Variants in NFIA observed in about 807,000 individuals in gnomAD.
NFIA encodes the protein nuclear factor I A.
A neutral mutation model predicts 62.8 loss-of-function variants in NFIA; 8 were observed. That is an observed-to-expected ratio of 0.13 (90% CI 0.07 to 0.23). The LOEUF (loss-of-function observed/expected upper bound fraction) is 0.23. NFIA is among the 10% of genes least tolerant of loss of function. NFIA has a pLI of 1.00. For missense variants in NFIA, 410 were observed against 642.1 expected (o/e 0.64, Z 3.91); for synonymous variants, 235 against 238.1 (o/e 0.99, Z 0.12).
chr1:61,212,936 A>T (rs550840725), intron 2 of NFIA, among the ~76,000 whole-genome samples: 1 of 152,322 alleles, frequency 6.6e-6, no homozygotes, highest in East Asian at 1.9e-4. Flanking sequence ...TTGCCTTCAC[A>T]CTGTGGCCTG....
intron 3 of NFIA, among the ~76,000 whole-genome samples, chr1:61,317,556 T>C (rs1660431434): frequency 6.6e-6 from 1 of 152,050 alleles, no homozygotes; most frequent in African/African-American, 2.4e-5. Flanking sequence ...TCACTTTTTG[T>C]AGAAAAATCA....
chr1:61,456,291 G>C lies in NFIA; in HGVS notation c.*971G>C, dbSNP rs1668296542. 6.6e-6 allele frequency: 1 copy of C among 151,730 alleles called. No individual in the cohort carries two copies. Among genetic ancestry groups the C allele is most frequent in the Admixed American group, 6.6e-5 (1 of 15,192 alleles). 9.4% of individuals were successfully genotyped at this position (151,730 alleles called of 1,614,324 possible). On this transcript the variant is annotated 3_prime_UTR_variant, in exon 11 of 11. Transcript: ENST00000403491. ...CTCTAAATTATTGGGGTAAAAAACA[G>C]CCTTGCAAGAAAAAGGGGAGCTATT...
At chr1:61,086,342 C>G (rs1196186171) in intron 1 of NFIA, among the ~76,000 whole-genome samples, 1 of 152,036 alleles carries the variant, frequency 6.6e-6, no homozygotes, top group Non-Finnish European at 1.5e-5. Context: ...TTGGCGTATA[C>G]CTTTGCAGAT....
At chr1:61,232,075 A>C (rs1654710146) in intron 2 of NFIA, among the ~76,000 whole-genome samples, 1 of 152,170 alleles carries the variant, frequency 6.6e-6, no homozygotes. Context: ...ATATGCAAAA[A>C]AGAAATGTAA....
intron 6 of NFIA, among the ~76,000 whole-genome samples, chr1:61,377,040 A>T (rs1353352050): frequency 6.6e-6 from 1 of 151,906 alleles, no homozygotes; most frequent in African/African-American, 2.4e-5. Flanking sequence ...AACATGGTGA[A>T]ACCCTGTATC....
At chr1:61,356,873 T>G (rs753167527) in intron 5 of NFIA, among the ~76,000 whole-genome samples, 2 of 152,218 alleles carry the variant, frequency 1.3e-5, no homozygotes, top group African/African-American at 4.8e-5. Context: ...AAATTGGCCC[T>G]CCACATTTTT....
upstream of NFIA, chr1:61,082,075 G>C (rs767144575): frequency 6.5e-7 from 1 of 1,537,046 alleles, no homozygotes; most frequent in South Asian, 1.2e-5. Context: ...GCGGGGGTGG[G>C]GGGATGGGGA....
chr1:61,272,741 T>A (rs1029390457), intron 2 of NFIA, among the ~76,000 whole-genome samples: 1 of 152,214 alleles, frequency 6.6e-6, no homozygotes, highest in African/African-American at 2.4e-5. Context: ...GAAATGTTCC[T>A]AACTCTTCAT....
At chr1:61,313,377 G>A (rs1024138942) in intron 3 of NFIA, among the ~76,000 whole-genome samples, 2 of 152,200 alleles carry the variant, frequency 1.3e-5, no homozygotes, top group Non-Finnish European at 2.9e-5. Context: ...AGAGGGTGAC[G>A]CAGGAGCAGA....
intron 2 of NFIA, among the ~76,000 whole-genome samples, chr1:61,251,817 CAA>C (rs1188989468): frequency 1.3e-5 from 2 of 152,016 alleles, no homozygotes; most frequent in Non-Finnish European, 2.9e-5. Context: ...TACAAAATAA[CAA>C]AAATATAAAT....
intron 10 of NFIA, among the ~76,000 whole-genome samples, chr1:61,427,426 G>C (rs912864074): frequency 1.3e-5 from 2 of 152,158 alleles, no homozygotes; most frequent in African/African-American, 4.8e-5. Flanking sequence ...CATAAGGAAA[G>C]TATTTTCTCT....
At chr1:61,114,967 G>T (rs993341271) in intron 2 of NFIA, among the ~76,000 whole-genome samples, 3 of 152,012 alleles carry the variant, frequency 2.0e-5, no homozygotes, top group African/African-American at 7.2e-5. Context: ...TATATTTGTT[G>T]TTGTTTGTTT....
chr1:61,329,692 T>C (rs981994758), intron 3 of NFIA, among the ~76,000 whole-genome samples: 13 of 152,332 alleles, frequency 8.5e-5, no homozygotes, highest in South Asian at 4.1e-4. Context: ...TGTTTTTAGC[T>C]GTTTCTGTAA....
At chr1:61,255,440 A>G (rs1389958353) in intron 2 of NFIA, among the ~76,000 whole-genome samples, 2 of 152,222 alleles carry the variant, frequency 1.3e-5, no homozygotes, top group East Asian at 1.9e-4. Context: ...ATACTTTTGC[A>G]TTATGCGTTA....
intron 4 of NFIA, among the ~76,000 whole-genome samples, chr1:61,350,284 G>C (rs916419775): frequency 6.6e-6 from 1 of 152,086 alleles, no homozygotes; most frequent in African/African-American, 2.4e-5. Context: ...TGCTTTAATA[G>C]CTTATAAACT....
chr1:61,081,890 G>A, upstream of NFIA: 3 of 1,545,338 alleles, frequency 1.9e-6, no homozygotes, highest in Admixed American at 2.0e-5. Flanking sequence ...CCGCATTTCA[G>A]TGGGGGAAAA....
intron 4 of NFIA, among the ~76,000 whole-genome samples, chr1:61,342,452 A>G (rs181229900): frequency 6.6e-6 from 1 of 152,158 alleles, no homozygotes; most frequent in African/African-American, 2.4e-5. Context: ...ACCACATTTG[A>G]CCTCAACCAA....
chr1:61,291,875 A>G (rs1412468475), intron 3 of NFIA, among the ~76,000 whole-genome samples: 1 of 152,200 alleles, frequency 6.6e-6, no homozygotes, highest in Non-Finnish European at 1.5e-5. Flanking sequence ...TATATGTATT[A>G]TAGTGTTACA....
chr1:61,182,730 G>A (rs556089712), intron 2 of NFIA, among the ~76,000 whole-genome samples: 1 of 152,136 alleles, frequency 6.6e-6, no homozygotes, highest in South Asian at 2.1e-4. Context: ...CATATTCCCC[G>A]AAGTTTTTGT....
Sources: gnomAD v4.1 joint callset for allele counts (sites outside exome capture counted in the v4.1 genomes callset) on GRCh38, gnomAD v4.1.1 for gene constraint, MANE v1.5 for transcripts, NCBI Gene and HGNC (gene_info 2026-07-23, HGNC 2026-07-21) for gene names.